Variants in CD163 observed in about 807,000 individuals in gnomAD.
The protein encoded by CD163 is CD163 molecule, also known as scavenger receptor cysteine-rich type 1 protein M130.
Under a neutral mutation model 129.2 loss-of-function variants are expected in CD163, and 64 were observed. The observed-to-expected ratio is 0.50, with a 90% CI of 0.41 to 0.61. The LOEUF is 0.61. CD163 is among the 20% of genes least tolerant of loss of function. The probability of loss-of-function intolerance (pLI) is 0.00; values close to 1 mark genes in which losing one functional copy is unlikely to be tolerated. For synonymous variants in CD163, 446 were observed against 478.5 expected (o/e 0.93, Z 0.89); for missense variants, 1,061 against 1,377.9 (o/e 0.77, Z 3.64).
intron 2 of CD163, among the ~76,000 whole-genome samples, chr12:7,501,983 G>C (rs1332890012): frequency 4.6e-5 from 7 of 152,142 alleles, no homozygotes; most frequent in African/African-American, 1.7e-4. Flanking sequence ...GATATTTTCT[G>C]CTATTTTCTA....
rs1408561509 is a variant in CD163, at chr12:7,487,588, G to C, written c.1821C>G (p.Leu607=). 6.2e-7 allele frequency: 1 copy of C among 1,614,036 alleles called. No individual in the cohort carries two copies. The highest frequency in any genetic ancestry group is 1.3e-5 in the African/African-American group (1 of 74,928). Reference sequence around the variant, plus strand: ...CTTCTATGTCCCAGTGAGAGTTACAGAGGGATCCCCAGGCACCAAGCGTTT... The same window carrying C: ...CTTCTATGTCCCAGTGAGAGTTACACAGGGATCCCCAGGCACCAAGCGTTT... ...ELKTLGAWGS[L]CNSHWDIEDA... Residue 607 remains leucine, a synonymous_variant, in exon 8 of 17, where the codon CTC becomes CTG. Coordinates refer to ENST00000432237, the MANE Select transcript of CD163 (RefSeq NM_203416.4). The surrounding 1 kb of genome is among the most constrained non-coding windows in gnomAD (Gnocchi z 5.1).
intron 16 of CD163, among the ~76,000 whole-genome samples, chr12:7,479,612 T>C (rs1324741063): frequency 6.6e-6 from 1 of 152,170 alleles, no homozygotes; most frequent in Non-Finnish European, 1.5e-5. Flanking sequence ...TTTGTATTTG[T>C]TTACTCAGTT....
Position 7,485,963 on chromosome 12 carries a change from G to A in CD163, c.2458+536C>T, listed in dbSNP as rs1445248444. 1.3e-5 allele frequency among the ~76,000 whole-genome samples: 2 copies of A among 152,106 alleles called. No individual in the cohort carries two copies. Among genetic ancestry groups the A allele is most frequent in the African/African-American group, 4.8e-5 (2 of 41,400 alleles). ...TGTTCCCCATAATACATATGAAATA[G>A]TACATTTTTAAATTTCAGAATGTTT... On this transcript the variant is annotated intron_variant, in intron 10 of 16. Transcript: ENST00000432237. The surrounding 1 kb of genome is among the most constrained non-coding windows in gnomAD (Gnocchi z 4.5).
At chr12:7,501,039 T>C (rs1273166262) in intron 3 of CD163, 100 bp downstream of exon 3, 3 of 942,036 alleles carry the variant, frequency 3.2e-6, no homozygotes, top group Non-Finnish European at 5.0e-6. Context: ...ATGAACTAGA[T>C]TGCTTACAGG....
chr12:7,485,177 C>A lies in CD163; in HGVS notation c.2698G>T (p.Asp900Tyr). 6.2e-7 allele frequency: 1 copy of A among 1,614,178 alleles called. No individual in the cohort carries two copies. Among genetic ancestry groups the A allele is most frequent in the Non-Finnish European group, 8.5e-7 (1 of 1,179,994 alleles). ...GATGATGGGCACTGCCACAGCGTGTCAGGTCCTTTTGGACACTGAACATTG... is the reference window on the plus strand; with the variant it reads ...GATGATGGGCACTGCCACAGCGTGTAAGGTCCTTTTGGACACTGAACATTG... The part of the protein sequence containing the change: ...VDNVQCPKGP[D>Y]TLWQCPSSPW... Residue 900 changes from aspartate (D) to tyrosine (Y), a missense_variant, in exon 11 of 17, where the codon GAC becomes TAC. Transcript: ENST00000432237. This position sits in a 1 kb window ranked among gnomAD's most constrained non-coding sequence, Gnocchi z 4.5.
chr12:7,492,158 G>T (rs1161107083), intron 6 of CD163, among the ~76,000 whole-genome samples: 2 of 151,700 alleles, frequency 1.3e-5, no homozygotes, highest in South Asian at 4.2e-4. Flanking sequence ...AAAAACCAAG[G>T]CCCCCAACAT....
At chr12:7,488,855 GC>G (rs34077002) in intron 6 of CD163, among the ~76,000 whole-genome samples, 8,952 of 152,086 alleles carry the variant, frequency 0.059, 309 homozygotes, top group African/African-American at 0.084. Flanking sequence ...TGATATACAG[GC>G]CAAATTAGAA....
At chr12:7,498,834 C>T (rs763981441) in intron 4 of CD163, 34 bp downstream of exon 4, 9 of 1,587,220 alleles carry the variant, frequency 5.7e-6, no homozygotes, top group Admixed American at 1.7e-5. Context: ...TTGTCCTCTC[C>T]TGGAGAATAG....
chr12:7,484,738 T>C lies in CD163; in HGVS notation c.2779+358A>G, dbSNP rs189991189. Among the ~76,000 whole-genome samples, 27 of 151,678 alleles carry C rather than the reference T, an allele frequency of 1.8e-4. No homozygotes were observed. The East Asian group carries it at 4.9e-3, about 27-fold the overall frequency. Reference sequence around the variant, plus strand: ...TTCTCCTTATATTAGTGTAACAAGATAATATTTGAAAGAAAAATGGGAAGG... The same window carrying C: ...TTCTCCTTATATTAGTGTAACAAGACAATATTTGAAAGAAAAATGGGAAGG... On this transcript the variant is annotated intron_variant, in intron 11 of 16. Coordinates refer to ENST00000432237, the MANE Select transcript of CD163 (RefSeq NM_203416.4).
chr12:7,488,236 G>A (rs1949283685), intron 6 of CD163, 149 bp from the exon 7 acceptor site: 6 of 820,444 alleles, frequency 7.3e-6, no homozygotes, highest in African/African-American at 3.5e-5. Flanking sequence ...TTTCTGCCTC[G>A]AGTTGGGTAT....
At chr12:7,479,384 CA>C (rs1225763958) in intron 16 of CD163, among the ~76,000 whole-genome samples, 1 of 152,032 alleles carries the variant, frequency 6.6e-6, no homozygotes, top group African/African-American at 2.4e-5. Flanking sequence ...CTCTAGTTTG[CA>C]CATACTGTGT....
At chr12:7,495,910 A>G (rs903717015) in intron 5 of CD163, among the ~76,000 whole-genome samples, 1 of 152,232 alleles carries the variant, frequency 6.6e-6, no homozygotes, top group African/African-American at 2.4e-5. Context: ...TATGGAAGAC[A>G]GTGTGGTGAT....
At position 7,499,183 on chromosome 12, in the gene CD163, A is replaced by C; in HGVS notation, c.463T>G (p.Ser155Ala). The C allele has an allele frequency of 6.2e-7, 1 of 1,609,362 alleles. No homozygotes were observed. Among genetic ancestry groups the C allele is most frequent in the Non-Finnish European group, 8.5e-7 (1 of 1,178,566 alleles). Reference sequence around the variant, plus strand: ...CGCGTCAGCCTCATTTCCAAATTGGATCCATCTGGAGCAGAGAAAAGACCA... The same window carrying C: ...CGCGTCAGCCTCATTTCCAAATTGGCTCCATCTGGAGCAGAGAAAAGACCA... Reference protein sequence around the residue: ...QDAGVTCSDGSNLEMRLTRGG... With the variant: ...QDAGVTCSDGANLEMRLTRGG... Residue 155 changes from serine to alanine, a missense_variant, in exon 4 of 17, where the codon TCC becomes GCC. Coordinates refer to ENST00000432237, the MANE Select transcript of CD163 (RefSeq NM_203416.4).
intron 1 of CD163, chr12:7,502,827 C>T: frequency 1.8e-6 from 1 of 555,520 alleles, no homozygotes; most frequent in Non-Finnish European, 3.2e-6. Context: ...ATTGCAAGGT[C>T]AACCCTTAAA....
Position 7,486,657 on chromosome 12 carries a change from T to G in CD163, c.2300A>C (p.Asn767Thr), listed in dbSNP as rs1399467115. Reference sequence around the variant, plus strand: ...CCCAAAATGAGCAGAACCAGTGGCATTAATGGCCTCTCCACAGCCCAGCTG... The same window carrying G: ...CCCAAAATGAGCAGAACCAGTGGCAGTAATGGCCTCTCCACAGCCCAGCTG... ...CRQLGCGEAINATGSAHFGEG... is the reference protein window; with the variant it reads ...CRQLGCGEAITATGSAHFGEG... Residue 767 changes from asparagine (N) to threonine (T), a missense_variant, in exon 10 of 17, where the codon AAT becomes ACT. Physicochemically the swap from Asn to Thr is moderately conservative, Grantham distance 65. Transcript: ENST00000432237. The G allele has an allele frequency of 1.2e-6, 2 of 1,614,040 alleles. No individual in the cohort carries two copies. The highest frequency in any genetic ancestry group is 1.7e-6 in the Non-Finnish European group (2 of 1,180,036).
At chr12:7,475,679 A>G (rs1347442348) in intron 16 of CD163, among the ~76,000 whole-genome samples, 3 of 152,204 alleles carry the variant, frequency 2.0e-5, no homozygotes, top group African/African-American at 7.2e-5. Flanking sequence ...AAACCAGCAC[A>G]AGACAAGGAT....
rs1026634528 is a variant in CD163, at chr12:7,495,165, C to A, written c.1336G>T (p.Glu446Ter). ...TTCTTGCAGTCCCAAAGAGAAGTTT[C>A]ATTTCCGTTACAGCTACTTAGAAAC... is the stretch of plus-strand genomic sequence containing the variant. ...WLFLSSCNGN[E>*]TSLWDCKNWQ... Residue 446 changes from glutamate (E) to a stop codon, truncating the protein, a stop_gained, in exon 6 of 17, where the codon GAA becomes TAA. Coordinates refer to ENST00000432237, the MANE Select transcript of CD163 (RefSeq NM_203416.4). LOFTEE classifies it high-confidence loss of function. The A allele has an allele frequency of 6.2e-7, 1 of 1,614,166 alleles. No individual in the cohort carries two copies. The highest frequency in any genetic ancestry group is 8.5e-7 in the Non-Finnish European group (1 of 1,180,012).
intron 6 of CD163, among the ~76,000 whole-genome samples, chr12:7,489,357 A>G (rs911432241): frequency 1.3e-5 from 2 of 152,168 alleles, no homozygotes; most frequent in Non-Finnish European, 2.9e-5. Flanking sequence ...CAAGAAATTT[A>G]TGCCATGATT....
chr12:7,499,880 CCAAA>C (rs1008638383), intron 3 of CD163, among the ~76,000 whole-genome samples: 1 of 152,120 alleles, frequency 6.6e-6, no homozygotes, highest in African/African-American at 2.4e-5. Flanking sequence ...CTGTTACATA[CCAAA>C]CAGTGTACCA....
Sources: allele counts gnomAD v4.1 joint callset (sites outside exome capture counted in the v4.1 genomes callset), GRCh38; gene constraint gnomAD v4.1.1; non-coding constraint Gnocchi (gnomAD v3.1); transcripts MANE v1.5; gene names NCBI Gene and HGNC (gene_info 2026-07-23, HGNC 2026-07-21).